Variants in GREM2 observed in about 807,000 individuals in gnomAD.
The protein encoded by GREM2 is gremlin 2, DAN family BMP antagonist, also known as gremlin-2.
A neutral mutation model predicts 14.2 loss-of-function variants in GREM2; 11 were observed. The observed-to-expected ratio is 0.78, with a 90% confidence interval of 0.49 to 1.28. The LOEUF (loss-of-function observed/expected upper bound fraction) is 1.28, where lower values mean the gene tolerates loss of function less well. Among genes scored for constraint, GREM2 ranks in the 50% most tolerant of loss-of-function variants. GREM2 has a pLI of 0.00. For synonymous variants in GREM2, 98 were observed against 97.6 expected (o/e 1.00, Z -0.02); for missense variants, 210 against 218.5 (o/e 0.96, Z 0.24).
chr1:240,564,614 C>T (rs1219718620), intron 1 of GREM2, among the ~76,000 whole-genome samples: 1 of 152,038 alleles, frequency 6.6e-6, no homozygotes, highest in Non-Finnish European at 1.5e-5. Context: ...AGTCTCCTCC[C>T]TTCTTTTTCT....
chr1:240,578,654 AG>A (rs1679419212), intron 1 of GREM2, among the ~76,000 whole-genome samples: 1 of 151,902 alleles, frequency 6.6e-6, no homozygotes, highest in African/African-American at 2.4e-5. Context: ...GTGTGTTGGC[AG>A]GCACCTGTAA....
intron 1 of GREM2, among the ~76,000 whole-genome samples, chr1:240,494,696 T>G (rs1677365541): frequency 6.6e-6 from 1 of 152,026 alleles, no homozygotes; most frequent in Non-Finnish European, 1.5e-5. Context: ...GGTCAGGAGA[T>G]CGAGACCATC....
At chr1:240,553,827 C>T (rs1678903171) in intron 1 of GREM2, among the ~76,000 whole-genome samples, 1 of 152,184 alleles carries the variant, frequency 6.6e-6, no homozygotes, top group Non-Finnish European at 1.5e-5. Flanking sequence ...AAATACTCCA[C>T]ACTTCTTATG....
intron 1 of GREM2, among the ~76,000 whole-genome samples, chr1:240,604,306 C>T (rs377467663): frequency 1.3e-4 from 15 of 117,356 alleles, no homozygotes; most frequent in African/African-American, 5.1e-4. Context: ...TATAACTATA[C>T]GTATGTGTGT....
At chr1:240,583,340 T>C (rs1679528121) in intron 1 of GREM2, among the ~76,000 whole-genome samples, 1 of 152,096 alleles carries the variant, frequency 6.6e-6, no homozygotes, top group African/African-American at 2.4e-5. Context: ...TTAGGAAAAA[T>C]ATAAAGATGT....
chr1:240,509,656 C>CCG (rs1558142256), intron 1 of GREM2, among the ~76,000 whole-genome samples: 47 of 152,270 alleles, frequency 3.1e-4, no homozygotes, highest in Admixed American at 1.6e-3. Flanking sequence ...GCATGAGCCA[C>CCG]TGCACCCGGT....
At chr1:240,595,887 A>G (rs1679811133) in intron 1 of GREM2, among the ~76,000 whole-genome samples, 1 of 152,200 alleles carries the variant, frequency 6.6e-6, no homozygotes, top group African/African-American at 2.4e-5. Context: ...AGACAGAAAA[A>G]GGGCCTACCT....
chr1:240,551,425 T>G (rs769528299), intron 1 of GREM2, among the ~76,000 whole-genome samples: 18 of 152,176 alleles, frequency 1.2e-4, no homozygotes, highest in Non-Finnish European at 2.9e-5. Context: ...CTCGGCCCAC[T>G]GCAACTTTCG....
chr1:240,562,961 AGTGTGTGTAT>A (rs1159217572), intron 1 of GREM2, among the ~76,000 whole-genome samples: 1 of 77,528 alleles, frequency 1.3e-5, no homozygotes, highest in African/African-American at 6.3e-5. Context: ...TATGTGTGTG[AGTGTGTGTAT>A]GTGTGTATAT....
chr1:240,504,590 G>A (rs1041781734), intron 1 of GREM2, among the ~76,000 whole-genome samples: 2 of 152,046 alleles, frequency 1.3e-5, no homozygotes, highest in South Asian at 2.1e-4. Context: ...GTGGTATATC[G>A]CCTAAAGTAC....
At chr1:240,562,541 G>T (rs1024723008) in intron 1 of GREM2, among the ~76,000 whole-genome samples, 2 of 152,190 alleles carry the variant, frequency 1.3e-5, no homozygotes, top group African/African-American at 4.8e-5. Context: ...TTCACCGAAG[G>T]TGTAATCCAC....
intron 1 of GREM2, among the ~76,000 whole-genome samples, chr1:240,567,215 G>A (rs933633433): frequency 6.6e-6 from 1 of 152,072 alleles, no homozygotes; most frequent in African/African-American, 2.4e-5. Context: ...ATAACTTCAC[G>A]TGGTCTAATA....
At chr1:240,514,685 G>A (rs183888196) in intron 1 of GREM2, among the ~76,000 whole-genome samples, 2 of 152,280 alleles carry the variant, frequency 1.3e-5, no homozygotes, top group Non-Finnish European at 2.9e-5. Flanking sequence ...GATTGCATGA[G>A]GCCAGCAGCC....
At chr1:240,526,395 G>C (rs537082169) in intron 1 of GREM2, among the ~76,000 whole-genome samples, 1 of 152,164 alleles carries the variant, frequency 6.6e-6, no homozygotes, top group Non-Finnish European at 1.5e-5. Context: ...AGCTTAACAT[G>C]CTGGTTTCTG....
intron 1 of GREM2, among the ~76,000 whole-genome samples, chr1:240,513,878 T>C (rs1438587471): frequency 6.6e-6 from 1 of 152,122 alleles, no homozygotes; most frequent in East Asian, 1.9e-4. Flanking sequence ...ACTGGAATAA[T>C]CTACAAATGA....
chr1:240,606,029 G>T (rs949005767), intron 1 of GREM2, among the ~76,000 whole-genome samples: 11 of 151,972 alleles, frequency 7.2e-5, no homozygotes, highest in African/African-American at 2.7e-4. Flanking sequence ...AAAACAAAAA[G>T]TTCCCAGGAC....
intron 1 of GREM2, among the ~76,000 whole-genome samples, chr1:240,514,469 G>A (rs1182204738): frequency 6.9e-6 from 1 of 144,146 alleles, no homozygotes; most frequent in African/African-American, 2.8e-5. Context: ...TGAAAGGTGA[G>A]AGTGAAATGT....
intron 1 of GREM2, among the ~76,000 whole-genome samples, chr1:240,603,498 A>C (rs576784735): frequency 1.4e-4 from 21 of 151,478 alleles, no homozygotes; most frequent in Admixed American, 6.6e-5. Context: ...TCTCCCATCC[A>C]TCTCCCATCC....
At chr1:240,560,282 A>ACTG (rs758984245) in intron 1 of GREM2, among the ~76,000 whole-genome samples, 4 of 152,300 alleles carry the variant, frequency 2.6e-5, no homozygotes, top group Non-Finnish European at 5.9e-5. Flanking sequence ...GTTGGGTGAT[A>ACTG]CTGCCGCCAT....
Sources: gnomAD v4.1 joint callset for allele counts (sites outside exome capture counted in the v4.1 genomes callset) on GRCh38, gnomAD v4.1.1 for gene constraint, MANE v1.5 for transcripts, NCBI Gene and HGNC (gene_info 2026-07-23, HGNC 2026-07-21) for gene names.